Variants in CADPS2 observed in about 807,000 individuals in gnomAD.
The protein encoded by CADPS2 is calcium-dependent secretion activator 2.
Under a neutral mutation model 172.5 loss-of-function variants are expected in CADPS2, and 93 were observed. That is an observed-to-expected ratio of 0.54 (90% CI 0.46 to 0.64). The LOEUF is 0.64. Ranked by LOEUF, CADPS2 falls within the 30% of genes least tolerant of loss-of-function variation. The pLI is 0.00. For synonymous variants in CADPS2, 546 were observed against 555.2 expected (o/e 0.98, Z 0.23); for missense variants, 1,420 against 1,565.9 (o/e 0.91, Z 1.57).
At position 122,393,111 on chromosome 7, in the gene CADPS2, T is replaced by C. The variant is rs1010790963; in HGVS notation, c.3008+85A>G. On this transcript the variant is annotated intron_variant, in intron 22 of 29. Transcript: ENST00000449022. ...CCTCAACCAACGATGACAAATGCCA[T>C]GCAGTCTAAACACATCTGCGCAGAA... The C allele has an allele frequency of 1.2e-5, 17 of 1,409,268 alleles. No individual in the cohort carries two copies. The African/African-American group carries it at 1.5e-4, about 12-fold the overall frequency. The allele number at this position is 1,409,268 out of a possible 1,614,324, so 87.3% of individuals were successfully genotyped here. A position where few individuals can be genotyped will look rare whatever the true frequency, so the allele number is the denominator to read the frequency against.
chr7:122,483,693 G>A (rs1563470712), intron 11 of CADPS2, among the ~76,000 whole-genome samples: 1 of 151,952 alleles, frequency 6.6e-6, no homozygotes, highest in Non-Finnish European at 1.5e-5. Flanking sequence ...TAAAATATAT[G>A]ACAAGAATAG....
At chr7:122,723,012 C>A (rs971184866) in intron 2 of CADPS2, among the ~76,000 whole-genome samples, 1 of 151,948 alleles carries the variant, frequency 6.6e-6, no homozygotes, top group African/African-American at 2.4e-5. Flanking sequence ...TTCCTTACAC[C>A]TTATACAAAA....
At chr7:122,425,645 A>ATG (rs140757848) in intron 17 of CADPS2, among the ~76,000 whole-genome samples, 4,320 of 152,088 alleles carry the variant, frequency 0.028, 185 homozygotes, top group African/African-American at 0.099. Context: ...TACACAATAT[A>ATG]TGTGTATATA....
chr7:122,762,066 A>G (rs991268392), intron 1 of CADPS2, among the ~76,000 whole-genome samples: 22 of 148,966 alleles, frequency 1.5e-4, no homozygotes, highest in African/African-American at 4.4e-4. Context: ...ACGTATATTT[A>G]TGTGTGTATA....
chr7:122,734,368 A>AAAAAAAAAAAAAAAAAAAG (rs1562890182), intron 2 of CADPS2, among the ~76,000 whole-genome samples: 1 of 90,186 alleles, frequency 1.1e-5, no homozygotes, highest in African/African-American at 3.6e-5. Flanking sequence ...AAAAAAAAAA[A>AAAAAAAAAAAAAAAAAAAG]AAAAAAAAAA....
intron 17 of CADPS2, among the ~76,000 whole-genome samples, chr7:122,423,418 A>G (rs955709445): frequency 5.3e-5 from 8 of 152,132 alleles, no homozygotes; most frequent in African/African-American, 1.7e-4. Flanking sequence ...ACCCTAAAGG[A>G]GATAGTATAC....
intron 14 of CADPS2, among the ~76,000 whole-genome samples, chr7:122,458,239 T>C (rs983810126): frequency 6.6e-6 from 1 of 152,160 alleles, no homozygotes; most frequent in Non-Finnish European, 1.5e-5. Flanking sequence ...ACTTCGTGTA[T>C]TTCCCACCAA....
chr7:122,808,365 G>A (rs1225929815), intron 1 of CADPS2, among the ~76,000 whole-genome samples: 1 of 152,202 alleles, frequency 6.6e-6, no homozygotes, highest in Non-Finnish European at 1.5e-5. Flanking sequence ...CAATATCAAA[G>A]TATAGCCCAG....
At chr7:122,690,139 A>G (rs1440351088) in intron 2 of CADPS2, among the ~76,000 whole-genome samples, 1 of 152,194 alleles carries the variant, frequency 6.6e-6, no homozygotes, top group Non-Finnish European at 1.5e-5. Context: ...CTACTGGAGC[A>G]TGCCAACTTA....
chr7:122,649,597 C>A (rs945954523), intron 3 of CADPS2, among the ~76,000 whole-genome samples: 2 of 152,188 alleles, frequency 1.3e-5, no homozygotes, highest in Admixed American at 6.5e-5. Context: ...TTCTAATGTG[C>A]ATACAAAGTT....
chr7:122,766,044 CT>C (rs1460189810), intron 1 of CADPS2, among the ~76,000 whole-genome samples: 1 of 152,056 alleles, frequency 6.6e-6, no homozygotes, highest in Non-Finnish European at 1.5e-5. Flanking sequence ...TTGGGAACCC[CT>C]TCTGGTGAGG....
chr7:122,369,170 C>T (rs1329477651), intron 25 of CADPS2, among the ~76,000 whole-genome samples: 9 of 109,376 alleles, frequency 8.2e-5, no homozygotes, highest in South Asian at 6.6e-4. Context: ...CTCGCTCTGT[C>T]GCCCAGGCTG....
At chr7:122,456,197 G>T (rs574178668) in intron 14 of CADPS2, among the ~76,000 whole-genome samples, 10 of 151,934 alleles carry the variant, frequency 6.6e-5, no homozygotes, top group Admixed American at 2.0e-4. Flanking sequence ...CTTAAGAATA[G>T]AATTTTTCTC....
intron 9 of CADPS2, among the ~76,000 whole-genome samples, chr7:122,500,585 C>T (rs1030701441): frequency 5.3e-5 from 8 of 152,092 alleles, no homozygotes; most frequent in South Asian, 2.1e-4. Context: ...CATTATGTTA[C>T]GGACACAGAT....
intron 4 of CADPS2, among the ~76,000 whole-genome samples, chr7:122,628,266 T>A (rs1381135138): frequency 6.6e-6 from 1 of 152,148 alleles, no homozygotes; most frequent in African/African-American, 2.4e-5. Context: ...CAAATACACA[T>A]TTTCTTTGCA....
chr7:122,710,625 C>G (rs190176603), intron 2 of CADPS2, among the ~76,000 whole-genome samples: 2 of 151,082 alleles, frequency 1.3e-5, no homozygotes, highest in Admixed American at 6.6e-5. Context: ...ATAAATGGGC[C>G]TTCCTTCCTC....
chr7:122,715,185 C>A (rs1327429813), intron 2 of CADPS2, among the ~76,000 whole-genome samples: 1 of 152,046 alleles, frequency 6.6e-6, no homozygotes, highest in Non-Finnish European at 1.5e-5. Flanking sequence ...TATTCATATC[C>A]CTTATTCACA....
At chr7:122,576,718 C>T (rs545883409) in intron 7 of CADPS2, among the ~76,000 whole-genome samples, 72 of 151,736 alleles carry the variant, frequency 4.7e-4, no homozygotes, top group African/African-American at 1.6e-3. Flanking sequence ...ACTGGATCAC[C>T]GGGATGGTTT....
chr7:122,479,320 A>G (rs1481959513), intron 12 of CADPS2, among the ~76,000 whole-genome samples: 2 of 152,192 alleles, frequency 1.3e-5, no homozygotes, highest in Non-Finnish European at 2.9e-5. Flanking sequence ...CTGATTATAC[A>G]TTTCTTATAA....
Sources: allele counts gnomAD v4.1 joint callset (sites outside exome capture counted in the v4.1 genomes callset), GRCh38; gene constraint gnomAD v4.1.1; transcripts MANE v1.5; gene names NCBI Gene and HGNC (gene_info 2026-07-23, HGNC 2026-07-21).